LIPC: variants seen among roughly 807,000 people sequenced by gnomAD.
LIPC encodes the protein lipase C, hepatic type, also known as hepatic triacylglycerol lipase.
Under a neutral mutation model 50.7 loss-of-function variants are expected in LIPC, and 44 were observed. The observed-to-expected ratio is 0.87, with a 90% CI of 0.68 to 1.11. The LOEUF is 1.11. LIPC is among the 50% of genes most tolerant of loss of function. The pLI, the probability that LIPC is intolerant of heterozygous loss-of-function variation, is 0.00. For synonymous variants in LIPC, 271 were observed against 256.4 expected, an observed-to-expected ratio of 1.06 and a Z score of -0.54; for missense variants, 697 against 648.2, an observed-to-expected ratio of 1.08 and a Z score of -0.82.
chr15:58,488,506 C>T (rs1891455164), intron 1 of LIPC, among the ~76,000 whole-genome samples: 1 of 144,704 alleles, frequency 6.9e-6, no homozygotes, highest in South Asian at 2.3e-4. Context: ...GGAATGTCCT[C>T]ACCTCCAGAG....
chr15:58,517,858 C>T (rs1309741807), intron 1 of LIPC, among the ~76,000 whole-genome samples: 1 of 152,212 alleles, frequency 6.6e-6, no homozygotes, highest in African/African-American at 2.4e-5. Context: ...GGCGTCACAG[C>T]TCCTAAGTGA....
At chr15:58,492,566 C>A (rs1454662291) in intron 1 of LIPC, among the ~76,000 whole-genome samples, 1 of 152,156 alleles carries the variant, frequency 6.6e-6, no homozygotes, top group Non-Finnish European at 1.5e-5. Flanking sequence ...GCCACACAGT[C>A]CACAAGAGCC....
rs935335378 is a variant in LIPC, at chr15:58,449,737, G to T, written c.88+17617G>T. 2.6e-5 allele frequency among the ~76,000 whole-genome samples: 4 copies of T among 152,040 alleles called. No homozygotes were observed. In the East Asian group the frequency reaches 7.8e-4, roughly 29 times the overall value. On this transcript the variant is annotated intron_variant, in intron 1 of 8. Coordinates refer to ENST00000299022, the MANE Select transcript of LIPC (RefSeq NM_000236.3). ...ATATTTTTAATAGAGACAGGGTTTC[G>T]CCATGTTGGCCAGGCTGGTCTTGAA...
intron 1 of LIPC, among the ~76,000 whole-genome samples, chr15:58,499,734 A>C (rs1267627604): frequency 6.6e-6 from 1 of 152,158 alleles, no homozygotes; most frequent in African/African-American, 2.4e-5. Context: ...CCGAAATGCT[A>C]AATCTGTCTT....
At chr15:58,462,303 G>C (rs7172681) in intron 1 of LIPC, among the ~76,000 whole-genome samples, 2,685 of 152,264 alleles carry the variant, frequency 0.018, 75 homozygotes, top group African/African-American at 0.062. Context: ...GAATTGACAT[G>C]ATTGATTGAT....
intron 1 of LIPC, among the ~76,000 whole-genome samples, chr15:58,444,316 C>A (rs775303661): frequency 6.6e-6 from 1 of 152,190 alleles, no homozygotes; most frequent in Admixed American, 6.5e-5. Context: ...GATAAACAAA[C>A]GACCAGTGTG....
chr15:58,494,420 T>C (rs1202302390), intron 1 of LIPC, among the ~76,000 whole-genome samples: 1 of 152,196 alleles, frequency 6.6e-6, no homozygotes, highest in Non-Finnish European at 1.5e-5. Context: ...ATTGCAGCCA[T>C]AGATCCTTGG....
intron 1 of LIPC, among the ~76,000 whole-genome samples, chr15:58,474,366 A>T (rs1380400347): frequency 6.6e-6 from 1 of 151,936 alleles, no homozygotes; most frequent in Non-Finnish European, 1.5e-5. Context: ...AAAAATACAA[A>T]ATTTAGCTGG....
intron 6 of LIPC, among the ~76,000 whole-genome samples, chr15:58,555,176 T>C (rs534122392): frequency 6.6e-6 from 1 of 152,218 alleles, no homozygotes; most frequent in Non-Finnish European, 1.5e-5. Flanking sequence ...CGTGGAACCA[T>C]AGCATCTCAA....
chr15:58,517,032 G>A (rs1424050736), intron 1 of LIPC, among the ~76,000 whole-genome samples: 1 of 152,240 alleles, frequency 6.6e-6, no homozygotes, highest in Non-Finnish European at 1.5e-5. Context: ...AACTTTGTTA[G>A]ATGGGACCAG....
chr15:58,438,685 C>T (rs1041775746), intron 1 of LIPC, among the ~76,000 whole-genome samples: 1 of 152,170 alleles, frequency 6.6e-6, no homozygotes, highest in Non-Finnish European at 1.5e-5. Flanking sequence ...GGAGTCAGGG[C>T]GCCCACCCGG....
rs572382703 is a variant in LIPC at position 58,569,668 on chromosome 15, C to T, written c.*841C>T. 1 of 152,200 alleles carries T rather than the reference C, an allele frequency of 6.6e-6. No homozygotes were observed. Among genetic ancestry groups the T allele is most frequent in the Non-Finnish European group, 1.5e-5 (1 of 68,066 alleles). The allele number at this position is 152,200 out of a possible 1,614,324, so 9.4% of individuals were successfully genotyped here. A position where few individuals can be genotyped will look rare whatever the true frequency, so the allele number is the denominator to read the frequency against. On this transcript the variant is annotated 3_prime_UTR_variant, in exon 9 of 9. Transcript: ENST00000299022. Reference sequence around the variant, plus strand: ...GAGCCCTCATAAGTGGGATTAGTGCCCTTATAGGGGATAAAGGATCAGAAC... The same window carrying T: ...GAGCCCTCATAAGTGGGATTAGTGCTCTTATAGGGGATAAAGGATCAGAAC...
intron 1 of LIPC, among the ~76,000 whole-genome samples, chr15:58,465,350 T>C (rs1287601079): frequency 6.6e-6 from 1 of 152,234 alleles, no homozygotes; most frequent in East Asian, 1.9e-4. Flanking sequence ...TACATCTGGC[T>C]TTTAACACAG....
At chr15:58,472,793 T>G (rs1400936674) in intron 1 of LIPC, among the ~76,000 whole-genome samples, 4 of 152,222 alleles carry the variant, frequency 2.6e-5, no homozygotes, top group African/African-American at 9.6e-5. Flanking sequence ...TATTCCATGT[T>G]GTCTTCACAA....
intron 1 of LIPC, among the ~76,000 whole-genome samples, chr15:58,442,845 T>C (rs1286672852): frequency 1.3e-5 from 2 of 152,178 alleles, no homozygotes; most frequent in Non-Finnish European, 1.5e-5. Flanking sequence ...TGCCTACTTC[T>C]AGTGGTTCTG....
At chr15:58,555,672 G>A (rs1893918954) in intron 6 of LIPC, among the ~76,000 whole-genome samples, 3 of 152,226 alleles carry the variant, frequency 2.0e-5, no homozygotes. Context: ...AAGAAAGCAA[G>A]TGGGACTCCT....
At chr15:58,480,866 T>C (rs952130273) in intron 1 of LIPC, among the ~76,000 whole-genome samples, 4 of 152,116 alleles carry the variant, frequency 2.6e-5, no homozygotes, top group Non-Finnish European at 4.4e-5. Flanking sequence ...CCTTGTACTG[T>C]AGGTTCCCCT....
chr15:58,512,981 A>G (rs531643619), intron 1 of LIPC, among the ~76,000 whole-genome samples: 1 of 152,198 alleles, frequency 6.6e-6, no homozygotes, highest in South Asian at 2.1e-4. Context: ...AAAAAGTAAA[A>G]GTACATAGAA....
At chr15:58,543,123 C>T (rs1893394430) in intron 4 of LIPC, among the ~76,000 whole-genome samples, 1 of 152,284 alleles carries the variant, frequency 6.6e-6, no homozygotes, top group Non-Finnish European at 1.5e-5. Flanking sequence ...GCATCCAAAA[C>T]TTCACCCCAA....
Sources: allele counts gnomAD v4.1 joint callset (sites outside exome capture counted in the v4.1 genomes callset), GRCh38; gene constraint gnomAD v4.1.1; transcripts MANE v1.5; gene names NCBI Gene and HGNC (gene_info 2026-07-23, HGNC 2026-07-21).